The following SEC11A variants were observed in gnomAD, a reference collection of about 807,000 sequenced individuals.
The protein encoded by SEC11A is signal peptidase complex catalytic subunit SEC11A.
In SEC11A, 14 loss-of-function variants were observed where a neutral mutation model predicts 25.6. The observed-to-expected ratio is 0.55, with a 90% CI of 0.36 to 0.85. The LOEUF is 0.85. Ranked by LOEUF, SEC11A falls within the 40% of genes least tolerant of loss-of-function variation. The pLI is 0.01. For synonymous variants in SEC11A, 83 were observed against 76.4 expected (o/e 1.09, Z -0.45); for missense variants, 153 against 222.9 (o/e 0.69, Z 2.00).
At position 84,677,988 on chromosome 15, in the gene SEC11A, G is replaced by A. The variant is rs73449366; in HGVS notation, c.431+2725C>T. Among the ~76,000 whole-genome samples the A allele has an allele frequency of 9.7e-3, 1,481 of 152,202 alleles. 28 individuals are homozygous for A. The highest frequency in any genetic ancestry group is 0.034 in the African/African-American group (1,416 of 41,536). ...TGGTAGGCAGGTCACTTGAAGCCAG[G>A]GGTTCCAGACCAGCCTGGCCAACAT... On this transcript the variant is annotated intron_variant, in intron 4 of 5. Transcript: ENST00000268220.
chr15:84,692,437 A>G (rs923844226), intron 1 of SEC11A, among the ~76,000 whole-genome samples: 1 of 152,202 alleles, frequency 6.6e-6, no homozygotes, highest in Non-Finnish European at 1.5e-5. Context: ...TCTCGAAAAG[A>G]GGAGACTTCA....
intron 1 of SEC11A, among the ~76,000 whole-genome samples, chr15:84,711,120 T>C (rs2141928180): frequency 6.6e-6 from 1 of 150,922 alleles, no homozygotes; most frequent in East Asian, 1.9e-4. Flanking sequence ...GACTCACACC[T>C]ATATTCAATC....
At chr15:84,706,985 G>A (rs994482002) in intron 1 of SEC11A, among the ~76,000 whole-genome samples, 2 of 152,040 alleles carry the variant, frequency 1.3e-5, no homozygotes, top group East Asian at 1.9e-4. Context: ...GTGGCCTCCC[G>A]CGGATCCTTC....
intron 1 of SEC11A, among the ~76,000 whole-genome samples, chr15:84,696,499 G>A (rs1897770863): frequency 6.6e-6 from 1 of 152,126 alleles, no homozygotes. Context: ...AATAGATTCT[G>A]GGCCCTAATT....
At chr15:84,703,922 T>C (rs1898022136) in intron 1 of SEC11A, among the ~76,000 whole-genome samples, 2 of 152,172 alleles carry the variant, frequency 1.3e-5, no homozygotes, top group South Asian at 4.1e-4. Context: ...TGGATGTCAG[T>C]CAGCCTATTT....
At chr15:84,671,829 T>A (rs1896991432) in intron 4 of SEC11A, 1 of 152,186 alleles carries the variant, frequency 6.6e-6, no homozygotes. Flanking sequence ...GAAATCCTAT[T>A]TTCTCCCAGG....
rs1335004735 is a variant in SEC11A, at chr15:84,687,680, T to A, written c.256A>T (p.Arg86Trp). The A allele has an allele frequency of 1.2e-6, 2 of 1,601,906 alleles. No individual in the cohort carries two copies. Among genetic ancestry groups the A allele is most frequent in the Non-Finnish European group, 1.7e-6 (2 of 1,177,348 alleles). ...ATAGGAATCTCTCTTCCTTCTATCC[T>A]AAAAACAACAATTTCTCCCACTCGT... ...PIRVGEIVVF[R>W]IEGREIPIVH... Residue 86 changes from arginine to tryptophan, a missense_variant, in exon 3 of 6, where the codon AGG becomes TGG. Physicochemically the swap from Arg to Trp is moderately radical, Grantham distance 101. Coordinates refer to ENST00000268220, the MANE Select transcript of SEC11A (RefSeq NM_014300.4).
intron 1 of SEC11A, among the ~76,000 whole-genome samples, chr15:84,705,031 T>C (rs1898055450): frequency 6.6e-6 from 1 of 151,994 alleles, no homozygotes; most frequent in Admixed American, 6.6e-5. Flanking sequence ...CTCAAGTGAT[T>C]CTCCCACCTC....
intron 1 of SEC11A, among the ~76,000 whole-genome samples, chr15:84,703,658 T>C (rs1364096902): frequency 6.6e-6 from 1 of 152,150 alleles, no homozygotes; most frequent in Non-Finnish European, 1.5e-5. Context: ...TCATTTTGCC[T>C]GGATGGAGAG....
chr15:84,711,733 C>T (rs1430474077), intron 1 of SEC11A, among the ~76,000 whole-genome samples: 4 of 147,466 alleles, frequency 2.7e-5, no homozygotes, highest in East Asian at 2.0e-4. Context: ...GCCGAGATCA[C>T]GTCACTGCAT....
At chr15:84,677,491 T>A (rs1326101133) in intron 4 of SEC11A, among the ~76,000 whole-genome samples, 1 of 150,774 alleles carries the variant, frequency 6.6e-6, no homozygotes, top group African/African-American at 2.4e-5. Context: ...TTTTTTTTTT[T>A]AGACAGAGTG....
At chr15:84,679,197 C>CA in intron 4 of SEC11A, 1 of 932,022 alleles carries the variant, frequency 1.1e-6, no homozygotes, top group Non-Finnish European at 1.5e-6. Flanking sequence ...AACAAAGACT[C>CA]AAAGAGATTG....
At chr15:84,700,450 C>T (rs11636499) in intron 1 of SEC11A, among the ~76,000 whole-genome samples, 30,630 of 150,746 alleles carry the variant, frequency 0.2, 3,947 homozygotes, top group Middle Eastern at 0.36. Context: ...AAAAATTAGC[C>T]GGGCATGGTG....
chr15:84,672,519 T>G (rs1488760776), intron 4 of SEC11A: 1 of 169,176 alleles, frequency 5.9e-6, no homozygotes, highest in Non-Finnish European at 1.3e-5. Context: ...TCCGCCAGCC[T>G]CGGCCTCCCG....
chr15:84,709,291 T>C lies in SEC11A; in HGVS notation c.51+6734A>G, dbSNP rs192926912. Among the ~76,000 whole-genome samples the C allele has an allele frequency of 3.6e-4, 54 of 151,536 alleles. 1 individual carries two copies. The highest frequency in any genetic ancestry group is 3.4e-3 in the Middle Eastern group (1 of 292). On this transcript the variant is annotated intron_variant, in intron 1 of 5. Transcript: ENST00000268220. ...AGCAATCATCCTGCCTCAGCCTCCC[T>C]GAGCAGCTGGTACTACAGGTGCACC...
intron 4 of SEC11A, 116 bp downstream of exon 4, chr15:84,680,597 T>G: frequency 9.0e-7 from 1 of 1,112,884 alleles, no homozygotes; most frequent in Non-Finnish European, 1.2e-6. Flanking sequence ...ACAAGGGTGA[T>G]TTGGTGGAAC....
At chr15:84,708,866 G>A (rs1376593484) in intron 1 of SEC11A, among the ~76,000 whole-genome samples, 1 of 152,040 alleles carries the variant, frequency 6.6e-6, no homozygotes, top group Non-Finnish European at 1.5e-5. Context: ...TTAAGAGTTG[G>A]GTGATACTAA....
At position 84,691,593 on chromosome 15, in the gene SEC11A, T is replaced by C. The variant is rs1473504239; in HGVS notation, c.103A>G (p.Ile35Val). ...GTTATTACCATTAACCCCTTCCAGA[T>C]CATTAGTGCCGATGAGACAATCATT... ...FGMIVSSALM[I>V]WKGLMVITGS... Residue 35 changes from isoleucine to valine, a missense_variant, in exon 2 of 6, where the codon ATC (isoleucine) becomes GTC (valine). By Grantham distance (29) the Ile-to-Val change is conservative. Coordinates refer to ENST00000268220, the MANE Select transcript of SEC11A (RefSeq NM_014300.4). 1 of 1,613,276 alleles carries C rather than the reference T, an allele frequency of 6.2e-7. No homozygotes were observed. The highest frequency in any genetic ancestry group is 8.5e-7 in the Non-Finnish European group (1 of 1,179,368).
intron 4 of SEC11A, among the ~76,000 whole-genome samples, chr15:84,679,502 A>T (rs900194281): frequency 6.6e-6 from 1 of 152,194 alleles, no homozygotes; most frequent in Non-Finnish European, 1.5e-5. Flanking sequence ...TCTCTATGGG[A>T]ACTGCGTATC....
Sources: gnomAD v4.1 joint callset for allele counts (sites outside exome capture counted in the v4.1 genomes callset) on GRCh38, gnomAD v4.1.1 for gene constraint, MANE v1.5 for transcripts, NCBI Gene and HGNC (gene_info 2026-07-23, HGNC 2026-07-21) for gene names.